RXFP1: variants seen among roughly 807,000 people sequenced by gnomAD.
The protein encoded by RXFP1 is relaxin receptor 1.
RXFP1 carries 73 observed loss-of-function variants against 89.8 expected under a neutral mutation model. The observed-to-expected ratio is 0.81, with a 90% CI of 0.67 to 0.99. The LOEUF (loss-of-function observed/expected upper bound fraction) is 0.99. Ranked by LOEUF, RXFP1 falls within the 50% of genes least tolerant of loss-of-function variation. The probability of loss-of-function intolerance (pLI) is 0.00; values close to 1 mark genes in which losing one functional copy is unlikely to be tolerated. For synonymous variants in RXFP1, 277 were observed against 305.5 expected (o/e 0.91, Z 0.97); for missense variants, 793 against 895.5 (o/e 0.89, Z 1.46).
At chr4:158,589,138 C>G (rs1758872859) in intron 2 of RXFP1, among the ~76,000 whole-genome samples, 1 of 152,076 alleles carries the variant, frequency 6.6e-6, no homozygotes, top group East Asian at 1.9e-4. Flanking sequence ...GGAGAAGCCC[C>G]TTATAAAACC....
chr4:158,537,325 TC>T (rs906718620), intron 1 of RXFP1, among the ~76,000 whole-genome samples: 1 of 151,960 alleles, frequency 6.6e-6, no homozygotes, highest in African/African-American at 2.4e-5. Context: ...CCTTCCCTTG[TC>T]CCCCCAAAAA....
rs954137200 is a variant in RXFP1 at position 158,646,782 on chromosome 4, C to T, written c.1346-9C>T. The T allele has an allele frequency of 6.4e-7, 1 of 1,560,582 alleles. No individual in the cohort carries two copies. Among genetic ancestry groups the T allele is most frequent in the African/African-American group, 1.4e-5 (1 of 73,004 alleles). On this transcript the variant is annotated splice_polypyrimidine_tract_variant and intron_variant, in intron 15 of 17. Transcript: ENST00000307765. ...TTTCTCTAAATTTGTGAAACTATGA[C>T]TCCTCTAGGTGCCGACTGCTTAATG...
At chr4:158,549,860 A>G (rs1749620938) in intron 1 of RXFP1, among the ~76,000 whole-genome samples, 2 of 152,076 alleles carry the variant, frequency 1.3e-5, no homozygotes, top group African/African-American at 2.4e-5. Context: ...GTCTGCCCCT[A>G]CTGGGGGGGT....
Position 158,652,333 on chromosome 4 carries a change from C to A in RXFP1, c.*278C>A, listed in dbSNP as rs1028635462. 7 of 323,614 alleles carry A rather than the reference C, an allele frequency of 2.2e-5. No individual in the cohort carries two copies. The highest frequency in any genetic ancestry group is 1.4e-4 in the Admixed American group (3 of 21,650). 20.0% of individuals were successfully genotyped at this position (323,614 alleles called of 1,614,324 possible). ...TTTCTAACATGCATTTATTGAGTAC[C>A]CACTACTATGTGCATAGCATTGCAA... On this transcript the variant is annotated 3_prime_UTR_variant, in exon 18 of 18. Coordinates refer to ENST00000307765, the MANE Select transcript of RXFP1 (RefSeq NM_021634.4).
chr4:158,528,230 T>G (rs534730918), intron 1 of RXFP1, among the ~76,000 whole-genome samples: 14 of 152,302 alleles, frequency 9.2e-5, no homozygotes, highest in African/African-American at 3.4e-4. Flanking sequence ...CGGGGGGCAG[T>G]GTCTCATGCC....
intron 1 of RXFP1, 42 bp downstream of exon 1, chr4:158,522,067 T>C: frequency 8.2e-7 from 1 of 1,213,176 alleles, no homozygotes; most frequent in Non-Finnish European, 1.2e-6. Context: ...CTTAGTATTT[T>C]GTGGAATAAC....
rs958412096 is a variant in RXFP1, at chr4:158,605,101, T to C, written c.426T>C (p.Pro142=). The change falls in exon 5 of 18, where the codon CCT becomes CCC. Residue 142 remains proline, a synonymous_variant. Coordinates refer to ENST00000307765, the MANE Select transcript of RXFP1 (RefSeq NM_021634.4). ...SLQWNLIRKL[P]PDCFKNYHDL... is the part of the protein sequence containing the mutation. ...AGTGGAACTTAATAAGAAAGCTTCC[T>C]CCTGATTGCTTCAAGAATTATCATG... 1 of 1,596,476 alleles carries C rather than the reference T, an allele frequency of 6.3e-7. No homozygotes were observed. Among genetic ancestry groups the C allele is most frequent in the Non-Finnish European group, 8.6e-7 (1 of 1,166,786 alleles).
At chr4:158,627,550 T>TGTGTGTGTG (rs1767138727) in intron 10 of RXFP1, among the ~76,000 whole-genome samples, 6 of 139,540 alleles carry the variant, frequency 4.3e-5, no homozygotes, top group African/African-American at 1.6e-4. Context: ...TGTGTGTGTG[T>TGTGTGTGTG]TTTATGATCC....
intron 1 of RXFP1, among the ~76,000 whole-genome samples, chr4:158,540,649 T>G (rs1746379392): frequency 6.7e-6 from 1 of 150,118 alleles, no homozygotes; most frequent in South Asian, 2.1e-4. Flanking sequence ...CCAACCCCAA[T>G]GCCTCTGACA....
chr4:158,526,579 G>A (rs34910493), intron 1 of RXFP1, among the ~76,000 whole-genome samples: 27,631 of 152,104 alleles, frequency 0.18, 3,173 homozygotes, highest in African/African-American at 0.3. Flanking sequence ...ATGGAAAAAG[G>A]ACAGTGTAAA....
intron 1 of RXFP1, among the ~76,000 whole-genome samples, chr4:158,525,947 C>T (rs539418283): frequency 2.2e-4 from 33 of 152,292 alleles, no homozygotes; most frequent in African/African-American, 7.7e-4. Flanking sequence ...TTTAAAGTGA[C>T]CTTAACAGAC....
intron 1 of RXFP1, among the ~76,000 whole-genome samples, chr4:158,558,626 A>C (rs1251851691): frequency 6.6e-6 from 1 of 152,200 alleles, no homozygotes; most frequent in African/African-American, 2.4e-5. Context: ...ATTCACCCCT[A>C]TGAGAAATAT....
intron 14 of RXFP1, among the ~76,000 whole-genome samples, chr4:158,641,160 G>A (rs1174011021): frequency 6.6e-6 from 1 of 152,100 alleles, no homozygotes; most frequent in Non-Finnish European, 1.5e-5. Context: ...TTCCTTTCTT[G>A]TATGCAACAT....
chr4:158,651,801 A>G lies in RXFP1; in HGVS notation c.2020A>G (p.Ser674Gly). 1 of 1,613,996 alleles carries G rather than the reference A, an allele frequency of 6.2e-7. No homozygotes were observed. The highest frequency in any genetic ancestry group is 8.5e-7 in the Non-Finnish European group (1 of 1,179,942). The change falls in exon 18 of 18, where the codon AGT becomes GGT. Residue 674 changes from serine (S) to glycine (G), a missense_variant. Coordinates refer to ENST00000307765, the MANE Select transcript of RXFP1 (RefSeq NM_021634.4). ...WVVIFILPIN[S>G]ALNPILYTLT... Reference sequence around the variant, plus strand: ...AGTGATTTTTATTCTGCCCATTAACAGTGCTTTGAACCCAATTCTCTATAC... The same window carrying G: ...AGTGATTTTTATTCTGCCCATTAACGGTGCTTTGAACCCAATTCTCTATAC...
intron 1 of RXFP1, among the ~76,000 whole-genome samples, chr4:158,523,081 A>C (rs1245547587): frequency 6.6e-6 from 1 of 152,202 alleles, no homozygotes; most frequent in Non-Finnish European, 1.5e-5. Flanking sequence ...ATCCTGGGGA[A>C]ATATTCTAGT....
rs568534680 is a variant in RXFP1 at position 158,600,663 on chromosome 4, C to CA, written c.392+1241dup. Reference sequence around the variant, plus strand: ...GCAACACAGAGAGAGCCCATCACTACAAAAAAAAATAAAAATTAGCCAGGT... The same window carrying CA: ...GCAACACAGAGAGAGCCCATCACTACAAAAAAAAAATAAAAATTAGCCAGGT... On this transcript the variant is annotated intron_variant, in intron 4 of 17. Transcript: ENST00000307765. Among the ~76,000 whole-genome samples, 575 of 150,274 alleles carry CA rather than the reference C, an allele frequency of 3.8e-3. 1 individual carries two copies. Among genetic ancestry groups the CA allele is most frequent in the African/African-American group, 0.013 (538 of 41,042 alleles).
At chr4:158,553,875 G>A (rs1444430290) in intron 1 of RXFP1, among the ~76,000 whole-genome samples, 2 of 152,090 alleles carry the variant, frequency 1.3e-5, no homozygotes, top group African/African-American at 4.8e-5. Context: ...CATACTTTGG[G>A]ATATCGCTTT....
chr4:158,608,108 C>A, intron 6 of RXFP1, 65 bp downstream of exon 6: 2 of 1,041,654 alleles, frequency 1.9e-6, no homozygotes, highest in Non-Finnish European at 2.9e-6. Context: ...CTATTCCAAT[C>A]CAGACCAGCC....
At chr4:158,620,801 A>G (rs1420594428) in intron 9 of RXFP1, among the ~76,000 whole-genome samples, 3 of 152,208 alleles carry the variant, frequency 2.0e-5, no homozygotes, top group Non-Finnish European at 4.4e-5. Flanking sequence ...AGAAATAGCT[A>G]AAAGTCAAAG....
Sources: gnomAD v4.1 joint callset for allele counts (sites outside exome capture counted in the v4.1 genomes callset) on GRCh38, gnomAD v4.1.1 for gene constraint, MANE v1.5 for transcripts, NCBI Gene and HGNC (gene_info 2026-07-23, HGNC 2026-07-21) for gene names.